The following ROR1 variants were observed in gnomAD, a reference collection of about 807,000 sequenced individuals.
The protein encoded by ROR1 is ROR family WNT receptor 1, also known as inactive tyrosine-protein kinase transmembrane receptor ROR1.
A neutral mutation model predicts 78.8 loss-of-function variants in ROR1; 19 were observed. That is an observed-to-expected ratio of 0.24 (90% CI 0.17 to 0.35). The LOEUF (loss-of-function observed/expected upper bound fraction) is 0.35, where lower values mean the gene tolerates loss of function less well. Ranked by LOEUF, ROR1 falls within the 10% of genes least tolerant of loss-of-function variation. The pLI, the probability that ROR1 is intolerant of heterozygous loss-of-function variation, is 1.00. For synonymous variants in ROR1, 386 were observed against 433.6 expected, an observed-to-expected ratio of 0.89 and a Z score of 1.36; for missense variants, 917 against 1,177.8, an observed-to-expected ratio of 0.78 and a Z score of 3.24.
intron 2 of ROR1, among the ~76,000 whole-genome samples, chr1:64,027,679 T>C (rs995056076): frequency 2.0e-5 from 3 of 152,078 alleles, no homozygotes; most frequent in Non-Finnish European, 2.9e-5. Context: ...TGTATGATAT[T>C]AATTTCGTTC....
chr1:64,117,664 A>G (rs1236040306), intron 4 of ROR1, among the ~76,000 whole-genome samples: 1 of 152,174 alleles, frequency 6.6e-6, no homozygotes, highest in Non-Finnish European at 1.5e-5. Flanking sequence ...CTGTGGAAGT[A>G]AGTATTCCCA....
chr1:64,130,420 C>T (rs755903109), intron 4 of ROR1, among the ~76,000 whole-genome samples: 1 of 152,172 alleles, frequency 6.6e-6, no homozygotes, highest in Non-Finnish European at 1.5e-5. Flanking sequence ...AATCTCTTGA[C>T]CACAGCCAGC....
chr1:64,152,349 A>C (rs1569859380), intron 7 of ROR1, among the ~76,000 whole-genome samples: 2 of 152,202 alleles, frequency 1.3e-5, no homozygotes, highest in Non-Finnish European at 2.9e-5. Context: ...CCTCCTTAAA[A>C]ATGTGGCTCT....
intron 1 of ROR1, among the ~76,000 whole-genome samples, chr1:63,898,529 G>A (rs1645459284): frequency 6.7e-6 from 1 of 149,734 alleles, no homozygotes; most frequent in Non-Finnish European, 1.5e-5. Context: ...AAAAAGAAGA[G>A]AAAGAGAATG....
intron 1 of ROR1, among the ~76,000 whole-genome samples, chr1:63,893,827 G>C (rs1645418916): frequency 1.3e-5 from 2 of 152,126 alleles, no homozygotes; most frequent in South Asian, 4.1e-4. Flanking sequence ...CTAAACTGCA[G>C]ATAGTACCAA....
In ROR1 at chr1:64,072,007, C is replaced by A. The variant is rs114333159; in HGVS notation, c.482+21291C>A. On this transcript the variant is annotated intron_variant, in intron 4 of 8. Coordinates refer to ENST00000371079, the MANE Select transcript of ROR1 (RefSeq NM_005012.4). The stretch of plus-strand genomic sequence containing the variant: ...CTATGTTGTGGTCCATGGTTTAGTT[C>A]TCCAAACAGGAGAACTACCCCTGGC... 5.2e-3 allele frequency among the ~76,000 whole-genome samples: 785 copies of A among 152,218 alleles called. 1 individual carries two copies. The highest frequency in any genetic ancestry group is 0.014 in the Middle Eastern group (4 of 292).
chr1:64,015,373 C>T (rs1157064708), intron 2 of ROR1, among the ~76,000 whole-genome samples: 2 of 152,162 alleles, frequency 1.3e-5, no homozygotes, highest in Non-Finnish European at 2.9e-5. Flanking sequence ...TAGCTGCTTG[C>T]TCGGTCACAA....
At chr1:64,079,958 T>C (rs834346) in intron 4 of ROR1, among the ~76,000 whole-genome samples, 55,233 of 152,044 alleles carry the variant, frequency 0.36, 13,294 homozygotes, top group African/African-American at 0.69. Context: ...ATACTTACTA[T>C]GGAGAGGGCT....
intron 1 of ROR1, among the ~76,000 whole-genome samples, chr1:63,850,295 C>T (rs680258): frequency 0.42 from 64,193 of 152,140 alleles, 16,537 homozygotes; most frequent in African/African-American, 0.73. Flanking sequence ...CATTCTCCTG[C>T]CTTCATTTTT....
In ROR1 at chr1:64,061,321, C is replaced by T. The variant is rs577136393; in HGVS notation, c.482+10605C>T. ...GTCGGGAACAAAACCAGTCAAAAGT[C>T]CTCATTCTACATCATTTACACTTTC... On this transcript the variant is annotated intron_variant, in intron 4 of 8. Coordinates refer to ENST00000371079, the MANE Select transcript of ROR1 (RefSeq NM_005012.4). Among the ~76,000 whole-genome samples, 35 of 152,230 alleles carry T rather than the reference C, an allele frequency of 2.3e-4. 1 individual carries two copies. The South Asian group carries it at 6.4e-3, about 28-fold the overall frequency.
chr1:63,967,355 CAT>C (rs1279102358), intron 1 of ROR1, among the ~76,000 whole-genome samples: 3 of 152,072 alleles, frequency 2.0e-5, no homozygotes, highest in African/African-American at 7.2e-5. Context: ...TATCCTATAA[CAT>C]AAAAAAAATA....
chr1:64,152,877 AT>A (rs1182129294), intron 7 of ROR1, among the ~76,000 whole-genome samples: 1 of 152,180 alleles, frequency 6.6e-6, no homozygotes. Flanking sequence ...GATTAACACT[AT>A]TAAATAAAGG....
At chr1:63,867,828 G>T (rs970999750) in intron 1 of ROR1, among the ~76,000 whole-genome samples, 3 of 152,250 alleles carry the variant, frequency 2.0e-5, no homozygotes, top group African/African-American at 7.2e-5. Context: ...ATGATGGGCA[G>T]GGGCCAAATA....
At chr1:64,019,596 A>G (rs1465466502) in intron 2 of ROR1, among the ~76,000 whole-genome samples, 1 of 152,188 alleles carries the variant, frequency 6.6e-6, no homozygotes, top group African/African-American at 2.4e-5. Context: ...ATCGGGAGTA[A>G]CACCTCCCTT....
At chr1:63,846,027 G>A (rs1645078111) in intron 1 of ROR1, among the ~76,000 whole-genome samples, 1 of 151,980 alleles carries the variant, frequency 6.6e-6, no homozygotes, top group South Asian at 2.1e-4. Flanking sequence ...TCAGCTTTCA[G>A]CTCTACAATA....
At chr1:63,972,943 A>G (rs1646130220) in intron 1 of ROR1, among the ~76,000 whole-genome samples, 2 of 152,242 alleles carry the variant, frequency 1.3e-5, no homozygotes, top group Non-Finnish European at 2.9e-5. Context: ...GCTCATGGTT[A>G]CCACTAACCT....
intron 2 of ROR1, among the ~76,000 whole-genome samples, chr1:64,036,901 A>G (rs572118268): frequency 7.0e-4 from 107 of 152,270 alleles, no homozygotes; most frequent in Admixed American, 2.6e-3. Context: ...TGTCATTCAC[A>G]TGTCTGGTGT....
chr1:63,844,996 C>T (rs1290991366), intron 1 of ROR1, among the ~76,000 whole-genome samples: 1 of 152,144 alleles, frequency 6.6e-6, no homozygotes, highest in Non-Finnish European at 1.5e-5. Flanking sequence ...CTCAGCCTGG[C>T]TCAAATCACT....
intron 4 of ROR1, among the ~76,000 whole-genome samples, chr1:64,109,345 G>C (rs565630622): frequency 6.6e-6 from 1 of 152,238 alleles, no homozygotes; most frequent in African/African-American, 2.4e-5. Flanking sequence ...TGCTGTAGCT[G>C]GAATTATAAG....
Sources: allele counts gnomAD v4.1 joint callset (sites outside exome capture counted in the v4.1 genomes callset), GRCh38; gene constraint gnomAD v4.1.1; transcripts MANE v1.5; gene names NCBI Gene and HGNC (gene_info 2026-07-23, HGNC 2026-07-21).